SLC24A2: variants seen among roughly 807,000 people sequenced by gnomAD.
SLC24A2 encodes the protein sodium/potassium/calcium exchanger 2.
In SLC24A2, 36 loss-of-function variants were observed where a neutral mutation model predicts 62.0. The observed-to-expected ratio is 0.58, with a 90% CI of 0.44 to 0.77. SLC24A2 has a LOEUF of 0.77. Ranked by LOEUF, SLC24A2 falls within the 30% of genes least tolerant of loss-of-function variation. SLC24A2 has a pLI of 0.00. For missense variants in SLC24A2, 846 were observed against 817.9 expected, an observed-to-expected ratio of 1.03 and a Z score of -0.42; for synonymous variants, 358 against 294.0, an observed-to-expected ratio of 1.22 and a Z score of -2.23.
At chr9:20,141,385 G>C in the SLC24A2 span, among the ~76,000 whole-genome samples, 1 of 152,128 alleles carries the variant, frequency 6.6e-6, no homozygotes. Context: ...TCGTCTCATT[G>C]TTGTGGTTTT....
intron 2 of SLC24A2, among the ~76,000 whole-genome samples, chr9:19,778,323 T>C (rs1822905421): frequency 6.6e-6 from 1 of 152,174 alleles, no homozygotes; most frequent in Admixed American, 6.5e-5. Flanking sequence ...TTCAAGGTAT[T>C]TGCCATTCCT....
chr9:20,257,486 G>A, the SLC24A2 span, among the ~76,000 whole-genome samples: 1 of 151,908 alleles, frequency 6.6e-6, no homozygotes, highest in African/African-American at 2.4e-5. Context: ...GAAAGGAAAA[G>A]GCACTGGTGT....
the SLC24A2 span, among the ~76,000 whole-genome samples, chr9:20,289,380 T>G: frequency 0.16 from 24,472 of 152,102 alleles, 2,626 homozygotes; most frequent in African/African-American, 0.29. Context: ...ACAAAGCAAT[T>G]TGTCCACAGT....
At chr9:20,203,369 T>C in the SLC24A2 span, among the ~76,000 whole-genome samples, 1 of 152,168 alleles carries the variant, frequency 6.6e-6, no homozygotes, top group East Asian at 1.9e-4. Context: ...AAAGTTAGCA[T>C]GTGAATTTGC....
At chr9:20,145,275 A>G in the SLC24A2 span, among the ~76,000 whole-genome samples, 130,638 of 151,982 alleles carry the variant, frequency 0.86, 56,503 homozygotes, top group African/African-American at 0.92. Context: ...TCGTTGCTCT[A>G]TGAAAGCAAG....
At chr9:19,662,491 T>C (rs886990947) in intron 2 of SLC24A2, among the ~76,000 whole-genome samples, 1 of 152,196 alleles carries the variant, frequency 6.6e-6, no homozygotes. Context: ...ATCTCTGTTC[T>C]GTCAGTTTGA....
At chr9:19,624,440 A>C (rs1288525161) in intron 2 of SLC24A2, among the ~76,000 whole-genome samples, 3 of 152,174 alleles carry the variant, frequency 2.0e-5, no homozygotes, top group Non-Finnish European at 4.4e-5. Context: ...AAGGAAAAAA[A>C]AATCCAAACC....
At chr9:19,588,159 C>T (rs1398463422) in intron 5 of SLC24A2, among the ~76,000 whole-genome samples, 1 of 143,304 alleles carries the variant, frequency 7.0e-6, no homozygotes, top group African/African-American at 2.6e-5. Flanking sequence ...TGGTTCAATA[C>T]AGTTTTTTTT....
chr9:20,141,555 A>G, the SLC24A2 span, among the ~76,000 whole-genome samples: 20 of 150,956 alleles, frequency 1.3e-4, no homozygotes, highest in Middle Eastern at 0.017. Flanking sequence ...TCCTTAATTA[A>G]CTGTCATCTG....
At chr9:20,132,348 G>A in the SLC24A2 span, among the ~76,000 whole-genome samples, 1 of 152,048 alleles carries the variant, frequency 6.6e-6, no homozygotes, top group Admixed American at 6.6e-5. Context: ...GAGACAAGAG[G>A]AATTCTTTTA....
chr9:20,304,719 T>G, the SLC24A2 span, among the ~76,000 whole-genome samples: 42 of 152,202 alleles, frequency 2.8e-4, no homozygotes, highest in African/African-American at 9.4e-4. Context: ...AATCCTTATA[T>G]AAAATGAGAT....
At chr9:20,106,251 C>T in the SLC24A2 span, among the ~76,000 whole-genome samples, 1 of 152,132 alleles carries the variant, frequency 6.6e-6, no homozygotes, top group Non-Finnish European at 1.5e-5. Context: ...GGATTCACAG[C>T]CGAATTCTAC....
the SLC24A2 span, among the ~76,000 whole-genome samples, chr9:19,879,241 A>C: frequency 1.3e-5 from 2 of 152,166 alleles, no homozygotes; most frequent in Non-Finnish European, 2.9e-5. Flanking sequence ...GTGAGGCCAG[A>C]CAGGCTGGGA....
chr9:20,109,395 C>T, the SLC24A2 span, among the ~76,000 whole-genome samples: 6 of 152,302 alleles, frequency 3.9e-5, no homozygotes, highest in African/African-American at 9.6e-5. Context: ...AATGTTTCCA[C>T]GACCCTAACT....
the SLC24A2 span, among the ~76,000 whole-genome samples, chr9:20,299,198 C>G: frequency 6.6e-6 from 1 of 152,198 alleles, no homozygotes; most frequent in East Asian, 1.9e-4. Flanking sequence ...TTAGCCCTTT[C>G]GTGCACACAG....
the SLC24A2 span, among the ~76,000 whole-genome samples, chr9:20,282,283 T>C: frequency 6.6e-6 from 1 of 152,138 alleles, no homozygotes; most frequent in Non-Finnish European, 1.5e-5. Context: ...AAGAAATAAG[T>C]TGAAATTCCA....
intron 2 of SLC24A2, among the ~76,000 whole-genome samples, chr9:19,730,843 C>T (rs1821312975): frequency 6.6e-6 from 1 of 151,706 alleles, no homozygotes; most frequent in South Asian, 2.1e-4. Flanking sequence ...ATCATCACTC[C>T]TACTCCTTTC....
the SLC24A2 span, among the ~76,000 whole-genome samples, chr9:19,875,258 C>T: frequency 6.6e-6 from 1 of 152,124 alleles, no homozygotes. Context: ...TTAAAAAATA[C>T]CAGTGTACTT....
chr9:19,664,948 A>G (rs10119147), intron 2 of SLC24A2, among the ~76,000 whole-genome samples: 3,919 of 152,258 alleles, frequency 0.026, 169 homozygotes, highest in African/African-American at 0.089. Context: ...CTGTGGTTCT[A>G]AACTGCCCGT....
Sources: gnomAD v4.1 joint callset for allele counts (sites outside exome capture counted in the v4.1 genomes callset) on GRCh38, gnomAD v4.1.1 for gene constraint, MANE v1.5 for transcripts, NCBI Gene and HGNC (gene_info 2026-07-23, HGNC 2026-07-21) for gene names.